Variants in OSTN observed in about 807,000 individuals in gnomAD.
OSTN encodes osteocrin.
A neutral mutation model predicts 12.0 loss-of-function variants in OSTN; 9 were observed. That is an observed-to-expected ratio of 0.75 (90% confidence interval 0.45 to 1.30). The LOEUF (loss-of-function observed/expected upper bound fraction) is 1.30. OSTN is among the 50% of genes most tolerant of loss of function. The pLI is 0.00. For synonymous variants in OSTN, 59 were observed against 56.9 expected, an observed-to-expected ratio of 1.04 and a Z score of -0.16; for missense variants, 148 against 152.3, an observed-to-expected ratio of 0.97 and a Z score of 0.15.
chr3:191,215,927 G>A (rs77857225), intron 2 of OSTN, among the ~76,000 whole-genome samples: 85 of 152,222 alleles, frequency 5.6e-4, no homozygotes, highest in Non-Finnish European at 1.0e-3. Flanking sequence ...AGCTCTACTG[G>A]GCAGTACCAC....
intron 1 of OSTN, among the ~76,000 whole-genome samples, chr3:191,208,469 G>C (rs1045340602): frequency 2.6e-5 from 4 of 152,182 alleles, no homozygotes; most frequent in African/African-American, 9.7e-5. Flanking sequence ...TGGTTAACTG[G>C]CTACAAGCAT....
In OSTN at chr3:191,254,410, T is replaced by G. The variant is rs543805558; in HGVS notation, c.*12+4277T>G. Among the ~76,000 whole-genome samples, 9 of 152,370 alleles carry G rather than the reference T, an allele frequency of 5.9e-5. No homozygotes were observed. The South Asian group carries it at 1.9e-3, about 32-fold the overall frequency. ...TTGTTTACATATAAGTGGCTGTTAT[T>G]TCTCTCAAAATTTAAATTGTCTAAC... is the stretch of plus-strand genomic sequence containing the variant. On this transcript the variant is annotated intron_variant, in intron 4 of 4. Coordinates refer to ENST00000682035, the MANE Select transcript of OSTN (RefSeq NM_198184.2).
At chr3:191,208,751 T>C (rs1442458401) in intron 1 of OSTN, among the ~76,000 whole-genome samples, 1 of 152,250 alleles carries the variant, frequency 6.6e-6, no homozygotes, top group Non-Finnish European at 1.5e-5. Flanking sequence ...GAAAGGCATA[T>C]AAATTTGGGC....
chr3:191,230,518 C>T (rs940635923), intron 3 of OSTN, among the ~76,000 whole-genome samples: 3 of 131,220 alleles, frequency 2.3e-5, no homozygotes, highest in African/African-American at 5.9e-5. Flanking sequence ...GAGCTGAGAT[C>T]GGGCCACTGC....
At chr3:191,247,964 G>A (rs571549585) in intron 3 of OSTN, among the ~76,000 whole-genome samples, 207 of 152,134 alleles carry the variant, frequency 1.4e-3, no homozygotes, top group African/African-American at 4.7e-3. Flanking sequence ...CTCCCGAGTA[G>A]CTGGGATTAC....
chr3:191,237,621 T>G (rs1410623434), intron 3 of OSTN, among the ~76,000 whole-genome samples: 1 of 152,206 alleles, frequency 6.6e-6, no homozygotes, highest in Non-Finnish European at 1.5e-5. Flanking sequence ...TAGAAGGTCA[T>G]GTACCAGTTA....
intron 4 of OSTN, among the ~76,000 whole-genome samples, chr3:191,260,009 G>GGCTACTTTTTGTAGCC (rs1181840716): frequency 3.2e-4 from 47 of 147,554 alleles, no homozygotes; most frequent in Non-Finnish European, 5.7e-4. Context: ...CACACACCAT[G>GGCTACTTTTTGTAGCC]CCCGGCTAAC....
chr3:191,254,625 A>C (rs1465342335), intron 4 of OSTN, among the ~76,000 whole-genome samples: 1 of 152,224 alleles, frequency 6.6e-6, no homozygotes, highest in Non-Finnish European at 1.5e-5. Flanking sequence ...ATCTAACAAC[A>C]GGTGTCTGTA....
intron 3 of OSTN, among the ~76,000 whole-genome samples, chr3:191,226,942 A>C (rs538982349): frequency 1.3e-4 from 20 of 152,286 alleles, no homozygotes; most frequent in African/African-American, 4.6e-4. Flanking sequence ...GAAGTTCTAC[A>C]TAGAGAAGGA....
At chr3:191,251,397 C>G (rs1415119803) in intron 4 of OSTN, among the ~76,000 whole-genome samples, 1 of 152,146 alleles carries the variant, frequency 6.6e-6, no homozygotes, top group African/African-American at 2.4e-5. Context: ...ACAAATAAGA[C>G]AAACTGGAAC....
intron 4 of OSTN, among the ~76,000 whole-genome samples, chr3:191,259,813 G>A (rs1715763566): frequency 6.7e-6 from 1 of 150,134 alleles, no homozygotes; most frequent in African/African-American, 2.4e-5. Context: ...TTAGTCAAGA[G>A]AATTTTGAAA....
chr3:191,218,225 TTTTTC>T (rs1229144073), intron 2 of OSTN, among the ~76,000 whole-genome samples: 1 of 151,772 alleles, frequency 6.6e-6, no homozygotes, highest in Non-Finnish European at 1.5e-5. Flanking sequence ...ATTCCAGGAG[TTTTTC>T]TTTTCTTTTC....
chr3:191,211,854 C>T (rs1714426116), intron 1 of OSTN, among the ~76,000 whole-genome samples: 1 of 151,942 alleles, frequency 6.6e-6, no homozygotes, highest in Admixed American at 6.6e-5. Context: ...TTAAAGGGTT[C>T]ATTTACATTT....
In OSTN at chr3:191,231,853, T is replaced by C. The variant is rs187421776; in HGVS notation, c.317+12892T>C. The stretch of plus-strand genomic sequence containing the variant: ...CACTATGGCAATTTGGGGAAACCTA[T>C]GAACCCCTTCTCAGAGTATTGTTTT... On this transcript the variant is annotated intron_variant, in intron 3 of 4. Transcript: ENST00000682035. Among the ~76,000 whole-genome samples the C allele has an allele frequency of 5.2e-3, 791 of 152,338 alleles. 3 individuals carry two copies. Among genetic ancestry groups the C allele is most frequent in the African/African-American group, 0.018 (745 of 41,570 alleles).
chr3:191,228,742 A>G (rs573975534), intron 3 of OSTN: 30 of 152,324 alleles, frequency 2.0e-4, no homozygotes, highest in Non-Finnish European at 3.4e-4. Flanking sequence ...CACCACTAAC[A>G]GTAGAGGAGG....
intron 3 of OSTN, among the ~76,000 whole-genome samples, chr3:191,241,114 T>A (rs1180008380): frequency 6.6e-6 from 1 of 151,618 alleles, no homozygotes; most frequent in Non-Finnish European, 1.5e-5. Flanking sequence ...TAGCTATTTC[T>A]GTTTTCTCTC....
chr3:191,226,845 T>G (rs1215971492), intron 3 of OSTN, among the ~76,000 whole-genome samples: 1 of 152,148 alleles, frequency 6.6e-6, no homozygotes, highest in Non-Finnish European at 1.5e-5. Flanking sequence ...ATTCTCAAAC[T>G]ATACATTATG....
chr3:191,259,180 A>T (rs772105019), intron 4 of OSTN, among the ~76,000 whole-genome samples: 1 of 147,972 alleles, frequency 6.8e-6, no homozygotes, highest in Non-Finnish European at 1.5e-5. Context: ...GAGAAGTGAA[A>T]GTAAACGGGA....
chr3:191,241,664 A>C (rs1423165740), intron 3 of OSTN, among the ~76,000 whole-genome samples: 1 of 152,214 alleles, frequency 6.6e-6, no homozygotes, highest in African/African-American at 2.4e-5. Flanking sequence ...ATGGAAGGAA[A>C]AAAAGTTTTA....
Sources: gnomAD v4.1 joint callset for allele counts (sites outside exome capture counted in the v4.1 genomes callset) on GRCh38, gnomAD v4.1.1 for gene constraint, MANE v1.5 for transcripts, NCBI Gene and HGNC (gene_info 2026-07-23, HGNC 2026-07-21) for gene names.